CDKL5: variants seen among roughly 807,000 people sequenced by gnomAD.
CDKL5 encodes the protein cyclin dependent kinase like 5, also known as cyclin-dependent kinase-like 5.
CDKL5 carries 8 observed loss-of-function variants against 61.7 expected under a neutral mutation model. That is an observed-to-expected ratio of 0.13 (90% CI 0.08 to 0.23). The LOEUF (loss-of-function observed/expected upper bound fraction) is 0.23. Ranked by LOEUF, CDKL5 falls within the 10% of genes least tolerant of loss-of-function variation. The pLI is 1.00. For synonymous variants in CDKL5, 275 were observed against 272.3 expected, an observed-to-expected ratio of 1.01 and a Z score of -0.10; for missense variants, 440 against 734.5, an observed-to-expected ratio of 0.60 and a Z score of 4.63.
intron 1 of CDKL5, among the ~76,000 whole-genome samples, chrX:18,446,330 A>C (rs1450934749): frequency 9.1e-6 from 1 of 109,452 alleles, no homozygotes; most frequent in Non-Finnish European, 1.9e-5. Flanking sequence ...CAGCCTGGGC[A>C]ACAAGAACAA....
At chrX:18,437,671 C>T (rs1931639452) in intron 1 of CDKL5, among the ~76,000 whole-genome samples, 1 of 112,311 alleles carries the variant, frequency 8.9e-6, no homozygotes, top group African/African-American at 3.2e-5. Flanking sequence ...AAATCTGGTT[C>T]ACATTCTGTG....
At chrX:18,507,233 C>CTAAT in intron 2 of CDKL5, 73 bp downstream of exon 2, 1 of 663,427 alleles carries the variant, frequency 1.5e-6, no homozygotes, top group Non-Finnish European at 2.5e-6. Context: ...CAAAAAGTTA[C>CTAAT]TAATTAGATC....
intron 1 of CDKL5, among the ~76,000 whole-genome samples, chrX:18,482,188 T>G (rs1475067557): frequency 9.0e-6 from 1 of 111,557 alleles, no homozygotes; most frequent in Non-Finnish European, 1.9e-5. Context: ...CAGTTAAGGT[T>G]GTTTTGCTGA....
At chrX:18,442,887 G>T (rs1045756230) in intron 1 of CDKL5, among the ~76,000 whole-genome samples, 2 of 111,955 alleles carry the variant, frequency 1.8e-5, no homozygotes, top group Non-Finnish European at 3.8e-5. Context: ...CAGAAATTTG[G>T]TTACTCTTAA....
In CDKL5 at chrX:18,634,452, C is replaced by T. The variant is rs1043492643; in HGVS notation, c.*5695C>T. The T allele has an allele frequency of 1.1e-5, 8 of 753,918 alleles. No homozygotes were observed. Among genetic ancestry groups the T allele is most frequent in the African/African-American group, 2.3e-5 (1 of 43,711 alleles). The allele number at this position is 753,918 out of a possible 1,213,427, so 62.1% of individuals were successfully genotyped here. A position where few individuals can be genotyped will look rare whatever the true frequency, so the allele number is the denominator to read the frequency against. ...TTTTTGCCAGAATTGTCAAAAGCTC[C>T]GGTTCAAACTCTGTAGAGTTTCATG... On this transcript the variant is annotated 3_prime_UTR_variant, in exon 18 of 18. Transcript: ENST00000623535.
chrX:18,626,167 A>G (rs1233486859), intron 17 of CDKL5, among the ~76,000 whole-genome samples: 3 of 107,448 alleles, frequency 2.8e-5, no homozygotes, highest in Non-Finnish European at 5.7e-5. Context: ...CCCTGTGCTC[A>G]GGCAATCCTC....
intron 20 of CDKL5, among the ~76,000 whole-genome samples, chrX:18,646,744 C>G (rs1374690620): frequency 6.3e-5 from 7 of 111,031 alleles, no homozygotes; most frequent in African/African-American, 2.0e-4. Flanking sequence ...GGCTTTTGCA[C>G]CTGCTGTACC....
chrX:18,459,403 CA>C (rs778859250), intron 1 of CDKL5, among the ~76,000 whole-genome samples: 6 of 107,242 alleles, frequency 5.6e-5, no homozygotes, highest in Middle Eastern at 9.5e-3. Flanking sequence ...ACTAAAAATA[CA>C]AAAAAAAATT....
intron 4 of CDKL5, 149 bp from the exon 5 acceptor site, chrX:18,575,205 G>A (rs1355328963): frequency 8.2e-6 from 4 of 489,322 alleles, no homozygotes; most frequent in Admixed American, 3.6e-5. Flanking sequence ...ACAAGAAAAC[G>A]TGTTATTTAA....
chrX:18,626,937 A>T, intron 17 of CDKL5: 1 of 108,167 alleles, frequency 9.2e-6, no homozygotes. Context: ...TTTTATAGAG[A>T]CGGGGTCTCG....
intron 8 of CDKL5, chrX:18,587,739 A>G: frequency 2.3e-6 from 1 of 431,388 alleles, no homozygotes; most frequent in Non-Finnish European, 4.0e-6. Context: ...ATTAGTGTAT[A>G]CTAACTAAAT....
At chrX:18,503,202 G>A (rs759795783) in intron 1 of CDKL5, among the ~76,000 whole-genome samples, 2 of 111,868 alleles carry the variant, frequency 1.8e-5, no homozygotes, top group East Asian at 5.6e-4. Flanking sequence ...GTTTTTCTTT[G>A]AGACAAGGTC....
intron 2 of CDKL5, among the ~76,000 whole-genome samples, chrX:18,509,192 A>AACACACACACACAC (rs1183838846): frequency 2.4e-4 from 11 of 45,002 alleles, no homozygotes; most frequent in Non-Finnish European, 3.6e-4. Flanking sequence ...ACTGTCTCAA[A>AACACACACACACAC]ACACGCACAC....
At position 18,561,193 on chromosome X, in the gene CDKL5, A is replaced by T. The variant is rs1169196191; in HGVS notation, c.100-3284A>T. Among the ~76,000 whole-genome samples, 3 of 111,567 alleles carry T rather than the reference A, an allele frequency of 2.7e-5. No homozygotes were observed. The Admixed American group carries it at 2.9e-4, about 11-fold the overall frequency. On this transcript the variant is annotated intron_variant, in intron 3 of 17. Coordinates refer to ENST00000623535, the MANE Select transcript of CDKL5 (RefSeq NM_001323289.2). ...TTTTCCAGGGCTTTATGGTGCACTT[A>T]AGCTTCCAGTGACTCTGAAGAATAA...
At chrX:18,607,200 G>A (rs1479311261) in intron 12 of CDKL5, among the ~76,000 whole-genome samples, 2 of 111,208 alleles carry the variant, frequency 1.8e-5, no homozygotes, top group East Asian at 2.8e-4. Context: ...AAGCAGAAGT[G>A]TGCTCTAAGA....
At position 18,653,394 on chromosome X, in the gene CDKL5, A is replaced by G. The variant is rs756705837; in HGVS notation, c.2981-38A>G. ...GAGTGCACCTGCTAGCGCTCCTGGC[A>G]GCTCTGAGTGACCCCGCTGTCCTTC... On this transcript the variant is annotated intron_variant, in intron 21 of 21. Coordinates refer to the CDKL5 transcript ENST00000379989. The G allele has an allele frequency of 1.2e-5, 15 of 1,204,802 alleles. No homozygotes were observed. The South Asian group carries it at 2.1e-4, about 17-fold the overall frequency.
intron 3 of CDKL5, among the ~76,000 whole-genome samples, chrX:18,562,175 A>T (rs1036105481): frequency 6.3e-5 from 7 of 111,814 alleles, no homozygotes; most frequent in African/African-American, 2.3e-4. Context: ...TTGCTTTGGC[A>T]GTGGGTGTAG....
chrX:18,642,050 A>G (rs757697856), downstream of CDKL5: 2 of 1,211,504 alleles, frequency 1.7e-6, no homozygotes, highest in East Asian at 3.0e-5. Context: ...CCGGATGGCA[A>G]TGCGGACGTG....
At chrX:18,559,826 TC>T (rs1187082767) in intron 3 of CDKL5, among the ~76,000 whole-genome samples, 2 of 87,582 alleles carry the variant, frequency 2.3e-5, no homozygotes, top group Non-Finnish European at 4.3e-5. Context: ...ATGTTCCCCT[TC>T]CTGTGTCCAT....
Sources: allele counts gnomAD v4.1 joint callset (sites outside exome capture counted in the v4.1 genomes callset), GRCh38; gene constraint gnomAD v4.1.1; transcripts MANE v1.5; gene names NCBI Gene and HGNC (gene_info 2026-07-23, HGNC 2026-07-21).